The following TERF2IP variants were observed in gnomAD, a reference collection of about 807,000 sequenced individuals.
TERF2IP encodes the protein TERF2 interacting protein.
A neutral mutation model predicts 33.3 loss-of-function variants in TERF2IP; 35 were observed. The ratio of observed to expected loss-of-function variants is 1.05; its 90% confidence interval spans 0.80 to 1.39. TERF2IP has a LOEUF of 1.39. TERF2IP is among the 40% of genes most tolerant of loss of function. The pLI is 0.00. For synonymous variants in TERF2IP, 253 were observed against 223.2 expected (o/e 1.13, Z -1.19); for missense variants, 583 against 524.8 (o/e 1.11, Z -1.08).
rs750566996 is a variant in TERF2IP at position 75,647,833 on chromosome 16, G to T, written c.-50G>T. 7 of 1,596,380 alleles carry T rather than the reference G, an allele frequency of 4.4e-6. No homozygotes were observed. The Admixed American group carries it at 1.2e-4, about 27-fold the overall frequency. On this transcript the variant is annotated 5_prime_UTR_variant, in exon 1 of 3. Transcript: ENST00000300086. ...CAGCTCAGTCAGTTGAGCTCTGTGT[G>T]CCAGGCGCTCGCGAGGGGGTAGCTC...
At position 75,647,803 on chromosome 16, in the gene TERF2IP, G is replaced by T; in HGVS notation, c.-80G>T. The T allele has an allele frequency of 6.3e-7, 1 of 1,590,736 alleles. No individual in the cohort carries two copies. Among genetic ancestry groups the T allele is most frequent in the South Asian group, 1.1e-5 (1 of 90,136 alleles). On this transcript the variant is annotated 5_prime_UTR_variant, in exon 1 of 3. Coordinates refer to ENST00000300086, the MANE Select transcript of TERF2IP (RefSeq NM_018975.4). ...TGCGCTTCGCGGCAGAGGCGTCTGC[G>T]GTGACAGCTCAGTCAGTTGAGCTCT...
At chr16:75,652,102 C>T (rs781271509) in intron 1 of TERF2IP, among the ~76,000 whole-genome samples, 6 of 152,078 alleles carry the variant, frequency 3.9e-5, no homozygotes, top group Admixed American at 6.6e-5. Context: ...GAATTTATCC[C>T]GTAGATATAC....
At chr16:75,651,086 A>C (rs1285980158) in intron 1 of TERF2IP, among the ~76,000 whole-genome samples, 1 of 152,208 alleles carries the variant, frequency 6.6e-6, no homozygotes, top group Non-Finnish European at 1.5e-5. Flanking sequence ...AAAAAGTAAA[A>C]ATATTAGCAT....
chr16:75,651,867 GTTAT>G (rs1240063946), intron 1 of TERF2IP, among the ~76,000 whole-genome samples: 1 of 151,536 alleles, frequency 6.6e-6, no homozygotes, highest in Non-Finnish European at 1.5e-5. Flanking sequence ...AGCTCCCCAA[GTTAT>G]TTATTTTTTT....
chr16:75,655,930 A>C (rs146960127), intron 2 of TERF2IP, among the ~76,000 whole-genome samples: 1 of 152,160 alleles, frequency 6.6e-6, no homozygotes, highest in Non-Finnish European at 1.5e-5. Context: ...TTCTATTGGA[A>C]TACTATAGTC....
chr16:75,654,506 A>G (rs976300011), intron 2 of TERF2IP, 109 bp downstream of exon 2: 5 of 1,201,290 alleles, frequency 4.2e-6, no homozygotes, highest in Non-Finnish European at 4.5e-6. Context: ...AAAGTGAGAG[A>G]GGAGTTCAAG....
rs773773277 is a variant in TERF2IP, at chr16:75,649,097, G to A, written c.670+545G>A. Among the ~76,000 whole-genome samples the A allele has an allele frequency of 4.1e-4, 62 of 152,106 alleles. 1 individual carries two copies. The highest frequency in any genetic ancestry group is 2.6e-4 in the Admixed American group (4 of 15,288). On this transcript the variant is annotated intron_variant, in intron 1 of 2. Coordinates refer to ENST00000300086, the MANE Select transcript of TERF2IP (RefSeq NM_018975.4). ...GCCCTGACAGGTCTCGAACTCTTGG[G>A]CTCAAGCGATCCTCCCGTCTCGGTG...
intron 2 of TERF2IP, among the ~76,000 whole-genome samples, chr16:75,654,885 T>G (rs1308281249): frequency 6.6e-6 from 1 of 152,050 alleles, no homozygotes; most frequent in East Asian, 1.9e-4. Flanking sequence ...CCCACCACCA[T>G]GCCTGGCTAA....
At chr16:75,651,662 C>G (rs1454403831) in intron 1 of TERF2IP, among the ~76,000 whole-genome samples, 1 of 152,072 alleles carries the variant, frequency 6.6e-6, no homozygotes, top group African/African-American at 2.4e-5. Context: ...GCACTCCAGC[C>G]TGGGTGACAG....
At position 75,647,808 on chromosome 16, in the gene TERF2IP, C is replaced by G. The variant is rs2151815471; in HGVS notation, c.-75C>G. 2 of 1,586,622 alleles carry G rather than the reference C, an allele frequency of 1.3e-6. No homozygotes were observed. Among genetic ancestry groups the G allele is most frequent in the African/African-American group, 2.7e-5 (2 of 74,394 alleles). ...TTCGCGGCAGAGGCGTCTGCGGTGACAGCTCAGTCAGTTGAGCTCTGTGTG... is the reference window on the plus strand; with the variant it reads ...TTCGCGGCAGAGGCGTCTGCGGTGAGAGCTCAGTCAGTTGAGCTCTGTGTG... On this transcript the variant is annotated 5_prime_UTR_variant, in exon 1 of 3. Coordinates refer to ENST00000300086, the MANE Select transcript of TERF2IP (RefSeq NM_018975.4).
chr16:75,653,619 T>G (rs1251272762), intron 1 of TERF2IP, among the ~76,000 whole-genome samples: 1 of 152,190 alleles, frequency 6.6e-6, no homozygotes, highest in East Asian at 1.9e-4. Context: ...ATTGGTGGAT[T>G]GTGGTACGTG....
rs1567511344 is a variant in TERF2IP, at chr16:75,656,380, GA to G, written c.971del (p.Lys324SerfsTer14). The G allele has an allele frequency of 5.0e-6, 8 of 1,614,200 alleles. No individual in the cohort carries two copies. The highest frequency in any genetic ancestry group is 5.9e-6 in the Non-Finnish European group (7 of 1,180,028). ...AIKIIRQLME[K>X]FNLDLSTVTQ... is the part of the protein sequence containing the mutation. ...TTAAGATCATTCGGCAGTTAATGGA[GA>G]AGTTTAACTTGGATCTATCAACAGT... On this transcript the variant is annotated frameshift_variant, in exon 3 of 3. Coordinates refer to ENST00000300086, the MANE Select transcript of TERF2IP (RefSeq NM_018975.4). LOFTEE classifies it high-confidence loss of function.
chr16:75,649,008 C>T (rs2082326227), intron 1 of TERF2IP, among the ~76,000 whole-genome samples: 1 of 151,792 alleles, frequency 6.6e-6, no homozygotes, highest in Non-Finnish European at 1.5e-5. Context: ...ACTACACTCC[C>T]GCGCCACCAC....
chr16:75,649,659 G>T (rs1173915796), intron 1 of TERF2IP, among the ~76,000 whole-genome samples: 5 of 152,054 alleles, frequency 3.3e-5, no homozygotes, highest in African/African-American at 1.2e-4. Flanking sequence ...AAAGATTGCT[G>T]TTATGTTCAG....
chr16:75,648,036 A>T lies in TERF2IP; in HGVS notation c.154A>T (p.Thr52Ser). The stretch of plus-strand genomic sequence containing the variant: ...GACGCTCATCCTGCACGGCGGCGGC[A>T]CCGTGTGCCGAGTGCAGGAGCCCGG... ...LSTLILHGGG[T>S]VCRVQEPGAV... The change falls in exon 1 of 3, where the codon ACC becomes TCC. Residue 52 changes from threonine (T) to serine (S), a missense_variant. By Grantham distance (58) the Thr-to-Ser change is moderately conservative. Transcript: ENST00000300086. 6.2e-7 allele frequency: 1 copy of T among 1,610,034 alleles called. No homozygotes were observed. Among genetic ancestry groups the T allele is most frequent in the Middle Eastern group, 1.7e-4 (1 of 6,038 alleles).
At position 75,647,901 on chromosome 16, in the gene TERF2IP, T is replaced by G; in HGVS notation, c.19T>G (p.Leu7Val). The stretch of plus-strand genomic sequence containing the variant: ...GTCAGACATGGCGGAGGCGATGGAT[T>G]TGGGCAAAGACCCCAACGGGCCCAC... MAEAMD[L>V]GKDPNGPTHS... is the part of the protein sequence containing the mutation. The change falls in exon 1 of 3, where the codon TTG becomes GTG. Residue 7 changes from leucine to valine, a missense_variant. Leu to Val is a conservative substitution (Grantham distance 32). Transcript: ENST00000300086. 1 of 1,607,232 alleles carries G rather than the reference T, an allele frequency of 6.2e-7. No homozygotes were observed. Among genetic ancestry groups the G allele is most frequent in the Non-Finnish European group, 8.5e-7 (1 of 1,174,988 alleles).
At position 75,656,201 on chromosome 16, in the gene TERF2IP, G is replaced by C. The variant is rs2082384124; in HGVS notation, c.796-6G>C. On this transcript the variant is annotated splice_polypyrimidine_tract_variant and splice_region_variant and intron_variant, in intron 2 of 2. Coordinates refer to ENST00000300086, the MANE Select transcript of TERF2IP (RefSeq NM_018975.4). The stretch of plus-strand genomic sequence containing the variant: ...AGGAGCTGGTTTTACTCATCATTCT[G>C]TCTAGGTGGATGAGAGCCCTCCTGA... 6.3e-7 allele frequency: 1 copy of C among 1,597,060 alleles called. No individual in the cohort carries two copies. Among genetic ancestry groups the C allele is most frequent in the Non-Finnish European group, 8.5e-7 (1 of 1,171,720 alleles).
At chr16:75,655,924 A>G (rs1428869090) in intron 2 of TERF2IP, among the ~76,000 whole-genome samples, 2 of 152,114 alleles carry the variant, frequency 1.3e-5, no homozygotes, top group Non-Finnish European at 2.9e-5. Context: ...CTAATATTCT[A>G]TTGGAATACT....
chr16:75,648,307 T>C lies in TERF2IP; in HGVS notation c.425T>C (p.Val142Ala). Reference sequence around the variant, plus strand: ...ATCGCCTTCACGGATGCGGACGACGTAGCCATCCTTACCTACGTGAAGGAA... The same window carrying C: ...ATCGCCTTCACGGATGCGGACGACGCAGCCATCCTTACCTACGTGAAGGAA... ...GRIAFTDADD[V>A]AILTYVKENA... Residue 142 changes from valine (V) to alanine (A), a missense_variant, in exon 1 of 3, where the codon GTA becomes GCA. Transcript: ENST00000300086. The C allele has an allele frequency of 6.4e-7, 1 of 1,558,326 alleles. No individual in the cohort carries two copies. The highest frequency in any genetic ancestry group is 1.2e-5 in the South Asian group (1 of 84,714).
Sources: gnomAD v4.1 joint callset for allele counts (sites outside exome capture counted in the v4.1 genomes callset) on GRCh38, gnomAD v4.1.1 for gene constraint, MANE v1.5 for transcripts, NCBI Gene and HGNC (gene_info 2026-07-23, HGNC 2026-07-21) for gene names.